Variants in CHCHD3 observed in about 807,000 individuals in gnomAD.
The protein encoded by CHCHD3 is coiled-coil-helix-coiled-coil-helix domain containing 3, also known as MICOS complex subunit MIC19.
Under a neutral mutation model 38.2 loss-of-function variants are expected in CHCHD3, and 20 were observed. The observed-to-expected ratio is 0.52, with a 90% CI of 0.37 to 0.76. The LOEUF is 0.76. CHCHD3 is among the 30% of genes least tolerant of loss of function. CHCHD3 has a pLI of 0.00. For missense variants in CHCHD3, 245 were observed against 279.2 expected (o/e 0.88, Z 0.87); for synonymous variants, 82 against 100.0 (o/e 0.82, Z 1.07).
chr7:132,964,510 G>A (rs1309026810), intron 4 of CHCHD3, among the ~76,000 whole-genome samples: 1 of 152,186 alleles, frequency 6.6e-6, no homozygotes, highest in African/African-American at 2.4e-5. Context: ...GAACCCGGGA[G>A]GCGGAAGGTT....
intron 7 of CHCHD3, among the ~76,000 whole-genome samples, chr7:132,791,413 G>A (rs1806457277): frequency 6.6e-6 from 1 of 152,156 alleles, no homozygotes; most frequent in African/African-American, 2.4e-5. Context: ...AAATGAGGTT[G>A]GGTTATATGA....
intron 4 of CHCHD3, among the ~76,000 whole-genome samples, chr7:132,937,297 C>CTTA (rs1466119623): frequency 6.6e-6 from 1 of 152,150 alleles, no homozygotes; most frequent in African/African-American, 2.4e-5. Context: ...ATACAGCTAT[C>CTTA]TTAGGTTTAA....
At chr7:132,907,471 G>C (rs944736572) in intron 4 of CHCHD3, among the ~76,000 whole-genome samples, 4 of 152,280 alleles carry the variant, frequency 2.6e-5, no homozygotes, top group Admixed American at 2.6e-4. Flanking sequence ...GTAGGATTTG[G>C]ATGGGCAGAG....
chr7:132,829,855 T>G (rs192982871), intron 6 of CHCHD3, among the ~76,000 whole-genome samples: 101 of 152,302 alleles, frequency 6.6e-4, no homozygotes, highest in Non-Finnish European at 1.2e-3. Flanking sequence ...TTGTCCTTGG[T>G]GTACACTCCT....
chr7:133,076,895 C>T (rs574145535), intron 1 of CHCHD3, among the ~76,000 whole-genome samples: 1 of 152,184 alleles, frequency 6.6e-6, no homozygotes, highest in Non-Finnish European at 1.5e-5. Flanking sequence ...TGTGTCCTAG[C>T]AAATTGATTC....
At chr7:132,968,080 A>T (rs1471370644) in intron 4 of CHCHD3, among the ~76,000 whole-genome samples, 1 of 152,222 alleles carries the variant, frequency 6.6e-6, no homozygotes, top group Non-Finnish European at 1.5e-5. Context: ...GCTACTCCAC[A>T]GAAAACTTGG....
intron 4 of CHCHD3, among the ~76,000 whole-genome samples, chr7:132,921,431 G>C (rs1475135253): frequency 6.6e-6 from 1 of 152,090 alleles, no homozygotes; most frequent in African/African-American, 2.4e-5. Context: ...TTCACCCCTT[G>C]AAACAGTTCT....
intron 6 of CHCHD3, among the ~76,000 whole-genome samples, chr7:132,822,633 T>G (rs1322753467): frequency 6.6e-6 from 1 of 152,068 alleles, no homozygotes; most frequent in Non-Finnish European, 1.5e-5. Flanking sequence ...TATATGTACA[T>G]GTCCTATATC....
intron 2 of CHCHD3, among the ~76,000 whole-genome samples, chr7:133,057,599 A>C (rs1814380920): frequency 6.6e-6 from 1 of 152,168 alleles, no homozygotes; most frequent in African/African-American, 2.4e-5. Context: ...TTCAGCTCAA[A>C]GTCCTATAAT....
chr7:132,890,815 C>G (rs1809341527), intron 4 of CHCHD3, among the ~76,000 whole-genome samples: 1 of 152,184 alleles, frequency 6.6e-6, no homozygotes, highest in Admixed American at 6.5e-5. Context: ...TTTTAACAAT[C>G]TGAAGCATAC....
chr7:132,806,334 G>C (rs1481022502), intron 6 of CHCHD3, among the ~76,000 whole-genome samples: 1 of 152,192 alleles, frequency 6.6e-6, no homozygotes, highest in Non-Finnish European at 1.5e-5. Flanking sequence ...AGAAATGGAG[G>C]TGGCAGGATG....
intron 6 of CHCHD3, among the ~76,000 whole-genome samples, chr7:132,799,007 C>CTG (rs58508838): frequency 0.074 from 10,761 of 145,334 alleles, 508 homozygotes; most frequent in African/African-American, 0.15. Flanking sequence ...GTGATCTGTT[C>CTG]TGTGTGTGTG....
chr7:133,035,232 G>T lies in CHCHD3; in HGVS notation c.170-10605C>A. On this transcript the variant is annotated intron_variant, in intron 2 of 7. Coordinates refer to ENST00000262570, the MANE Select transcript of CHCHD3 (RefSeq NM_017812.4). This position sits in a 1 kb window ranked among gnomAD's most constrained non-coding sequence, Gnocchi z 4.7. ...CCGTGAACCCTTCTCTTTCCGTGGTGTGTCCTTTTTAGGCTGGGTCTCTGC... is the reference window on the plus strand; with the variant it reads ...CCGTGAACCCTTCTCTTTCCGTGGTTTGTCCTTTTTAGGCTGGGTCTCTGC... The T allele has an allele frequency of 6.2e-7, 1 of 1,613,732 alleles. No homozygotes were observed. The highest frequency in any genetic ancestry group is 8.5e-7 in the Non-Finnish European group (1 of 1,179,712).
intron 3 of CHCHD3, among the ~76,000 whole-genome samples, chr7:133,006,530 T>A (rs575612948): frequency 6.6e-6 from 1 of 152,030 alleles, no homozygotes; most frequent in African/African-American, 2.4e-5. Flanking sequence ...ACTAGCCAAA[T>A]AAACAGATAC....
chr7:132,980,672 G>C (rs898361473), intron 3 of CHCHD3, among the ~76,000 whole-genome samples: 7 of 152,032 alleles, frequency 4.6e-5, no homozygotes, highest in Non-Finnish European at 8.8e-5. Flanking sequence ...ATCAGGCGAG[G>C]GACTTAAGGT....
intron 5 of CHCHD3, among the ~76,000 whole-genome samples, chr7:132,848,029 T>C (rs778211503): frequency 1.3e-5 from 2 of 152,200 alleles, no homozygotes; most frequent in Non-Finnish European, 2.9e-5. Flanking sequence ...CACAGATCCT[T>C]AGCACCAAGA....
intron 4 of CHCHD3, among the ~76,000 whole-genome samples, chr7:132,952,357 T>C (rs1181753938): frequency 6.6e-6 from 1 of 152,228 alleles, no homozygotes; most frequent in Admixed American, 6.5e-5. Flanking sequence ...CGGCCAGACT[T>C]GAGCCTCTCG....
chr7:132,992,304 C>T (rs533906634), intron 3 of CHCHD3, among the ~76,000 whole-genome samples: 1 of 152,322 alleles, frequency 6.6e-6, no homozygotes, highest in Non-Finnish European at 1.5e-5. Context: ...ACCCTACCTA[C>T]TGGCACACTC....
At chr7:132,824,064 G>A (rs928963870) in intron 6 of CHCHD3, among the ~76,000 whole-genome samples, 25 of 152,020 alleles carry the variant, frequency 1.6e-4, no homozygotes, top group African/African-American at 5.3e-4. Context: ...CAATCAATAT[G>A]GCAAGCTAAT....
Sources: gnomAD v4.1 joint callset for allele counts (sites outside exome capture counted in the v4.1 genomes callset) on GRCh38, gnomAD v4.1.1 for gene constraint, Gnocchi (gnomAD v3.1) non-coding constraint, MANE v1.5 for transcripts, NCBI Gene and HGNC (gene_info 2026-07-23, HGNC 2026-07-21) for gene names.